KDM4C: variants seen among roughly 807,000 people sequenced by gnomAD.
The protein encoded by KDM4C is lysine demethylase 4C.
Under a neutral mutation model 129.3 loss-of-function variants are expected in KDM4C, and 81 were observed. The observed-to-expected ratio is 0.63, with a 90% CI of 0.52 to 0.75. The LOEUF (loss-of-function observed/expected upper bound fraction) is 0.75. KDM4C is among the 30% of genes least tolerant of loss of function. The pLI is 0.00. For missense variants in KDM4C, 1,457 were observed against 1,304.0 expected (o/e 1.12, Z -1.81); for synonymous variants, 573 against 456.1 (o/e 1.26, Z -3.26).
chr9:6,867,019 T>A (rs13296422), intron 5 of KDM4C, among the ~76,000 whole-genome samples: 20,055 of 57,142 alleles, frequency 0.35, 1,946 homozygotes, highest in Non-Finnish European at 0.47. Context: ...ATATATATAT[T>A]TTTTTTTTTT....
chr9:7,169,286 A>G (rs1844717147), intron 20 of KDM4C, among the ~76,000 whole-genome samples: 1 of 152,060 alleles, frequency 6.6e-6, no homozygotes, highest in Non-Finnish European at 1.5e-5. Flanking sequence ...CAAGACACTC[A>G]TTTCCAAGAA....
chr9:6,968,386 T>C (rs1831374600), intron 8 of KDM4C, among the ~76,000 whole-genome samples: 1 of 152,170 alleles, frequency 6.6e-6, no homozygotes, highest in East Asian at 1.9e-4. Context: ...AAGATTACCA[T>C]TTATGTGTAT....
intron 3 of KDM4C, among the ~76,000 whole-genome samples, chr9:6,807,823 G>T (rs1380621961): frequency 1.4e-5 from 2 of 141,150 alleles, no homozygotes; most frequent in Admixed American, 7.0e-5. Context: ...CCGGCCAGCC[G>T]CCCCATCCGG....
chr9:7,078,081 A>G (rs10976029), intron 17 of KDM4C, among the ~76,000 whole-genome samples: 102,189 of 152,084 alleles, frequency 0.67, 34,461 homozygotes, highest in South Asian at 0.72. Flanking sequence ...TATATCCAGA[A>G]TGTTCCCATT....
At chr9:6,787,930 C>G (rs1334512584) in intron 1 of KDM4C, among the ~76,000 whole-genome samples, 1 of 152,164 alleles carries the variant, frequency 6.6e-6, no homozygotes, top group Non-Finnish European at 1.5e-5. Flanking sequence ...AGAGTAAATG[C>G]CAAACTCCTT....
chr9:7,156,956 T>C (rs1161768921), intron 19 of KDM4C, among the ~76,000 whole-genome samples: 1 of 152,254 alleles, frequency 6.6e-6, no homozygotes, highest in Non-Finnish European at 1.5e-5. Context: ...TGTAGCCATT[T>C]GCACAATATT....
At chr9:6,954,914 G>T (rs543698064) in intron 8 of KDM4C, among the ~76,000 whole-genome samples, 1 of 152,298 alleles carries the variant, frequency 6.6e-6, no homozygotes, top group African/African-American at 2.4e-5. Flanking sequence ...GGAATTAAAG[G>T]CCAGAATCCG....
chr9:6,859,544 A>AT (rs149258373), intron 5 of KDM4C, among the ~76,000 whole-genome samples: 22,895 of 125,028 alleles, frequency 0.18, 2,143 homozygotes, highest in South Asian at 0.4. Context: ...AAGTAGGTGG[A>AT]TTTTTTTTTT....
chr9:7,165,619 A>T (rs1844299659), intron 20 of KDM4C, among the ~76,000 whole-genome samples: 2 of 152,260 alleles, frequency 1.3e-5, no homozygotes. Context: ...AAGATAAGTG[A>T]CTAGAAGACA....
intron 17 of KDM4C, among the ~76,000 whole-genome samples, chr9:7,094,955 A>G (rs933461201): frequency 3.3e-5 from 5 of 152,232 alleles, no homozygotes; most frequent in Admixed American, 3.3e-4. Flanking sequence ...TGTTCAGAAA[A>G]GGAAGACTAC....
chr9:6,888,036 G>A lies in KDM4C; in HGVS notation c.756G>A (p.Leu252=), dbSNP rs1409702405. 2 of 1,592,768 alleles carry A rather than the reference G, an allele frequency of 1.3e-6. No homozygotes were observed. Among genetic ancestry groups the A allele is most frequent in the Admixed American group, 1.7e-5 (1 of 59,212 alleles). ...TGACATTGATTTCTCCATCAGTATT[G>A]AAGAAATATGGTATTCCCTTTGACA... ...HKMTLISPSV[L]KKYGIPFDKI... is the part of the protein sequence containing the mutation. Residue 252 remains leucine, a synonymous_variant, in exon 7 of 22, where the codon TTG becomes TTA. Coordinates refer to ENST00000381309, the MANE Select transcript of KDM4C (RefSeq NM_015061.6).
chr9:6,957,564 A>G (rs896420897), intron 8 of KDM4C, among the ~76,000 whole-genome samples: 6 of 152,146 alleles, frequency 3.9e-5, no homozygotes, highest in Non-Finnish European at 5.9e-5. Flanking sequence ...TTGTCGGAGA[A>G]TACTGGTAGG....
At position 7,093,980 on chromosome 9, in the gene KDM4C, G is replaced by A. The variant is rs187617038; in HGVS notation, c.2425-9705G>A. Among the ~76,000 whole-genome samples the A allele has an allele frequency of 1.8e-3, 272 of 152,212 alleles. 2 individuals carry two copies. Among genetic ancestry groups the A allele is most frequent in the African/African-American group, 6.1e-3 (254 of 41,518 alleles). ...TAAAACAGATTTATTGAAGGATAAG[G>A]GTAGCATTATTTACCTTTTACTGTG... On this transcript the variant is annotated intron_variant, in intron 17 of 21. Transcript: ENST00000381309.
intron 8 of KDM4C, among the ~76,000 whole-genome samples, chr9:6,897,690 T>G (rs1265583057): frequency 6.6e-6 from 1 of 152,150 alleles, no homozygotes; most frequent in Non-Finnish European, 1.5e-5. Flanking sequence ...AACATATATA[T>G]TGTCTTCAAG....
intron 5 of KDM4C, among the ~76,000 whole-genome samples, chr9:6,856,249 G>A (rs1326450025): frequency 6.6e-6 from 1 of 151,168 alleles, no homozygotes; most frequent in Admixed American, 6.6e-5. Flanking sequence ...AGCAGCCCAT[G>A]GTAATAACTC....
Position 6,728,297 on chromosome 9 carries a change from A to G in KDM4C, c.49+7300A>G, listed in dbSNP as rs370793732. On this transcript the variant is annotated intron_variant, in intron 1 of 17. Transcript: ENST00000536108. ...ACGCCTGTAATCCCAGCACTTTGGGAGGCCAAGGCGGGTGGATCACAAGGT... is the reference window on the plus strand; with the variant it reads ...ACGCCTGTAATCCCAGCACTTTGGGGGGCCAAGGCGGGTGGATCACAAGGT... Among the ~76,000 whole-genome samples, 294 of 152,240 alleles carry G rather than the reference A, an allele frequency of 1.9e-3. 4 individuals are homozygous for G. Among genetic ancestry groups the G allele is most frequent in the African/African-American group, 5.7e-3 (236 of 41,550 alleles).
At chr9:6,750,197 T>C (rs912112818) in intron 1 of KDM4C, among the ~76,000 whole-genome samples, 8 of 151,606 alleles carry the variant, frequency 5.3e-5, no homozygotes, top group African/African-American at 1.9e-4. Flanking sequence ...TCCCAGCACT[T>C]TGGGAGGCTG....
intron 14 of KDM4C, 61 bp downstream of exon 14, chr9:7,014,062 C>A: frequency 1.4e-6 from 2 of 1,439,684 alleles, no homozygotes; most frequent in South Asian, 2.4e-5. Flanking sequence ...ATCTTTATTT[C>A]TCACTTTTTT....
At chr9:6,890,861 G>A (rs537731292) in intron 7 of KDM4C, among the ~76,000 whole-genome samples, 3 of 152,278 alleles carry the variant, frequency 2.0e-5, no homozygotes, top group Admixed American at 6.5e-5. Context: ...GGAGAGAGTT[G>A]GGCTATGTTC....
Sources: allele counts gnomAD v4.1 joint callset (sites outside exome capture counted in the v4.1 genomes callset), GRCh38; gene constraint gnomAD v4.1.1; transcripts MANE v1.5; gene names NCBI Gene and HGNC (gene_info 2026-07-23, HGNC 2026-07-21).